Variants in ERVW-1 observed in about 807,000 individuals in gnomAD.
ERVW-1 encodes the protein syncytin-1.
A neutral mutation model predicts 16.6 loss-of-function variants in ERVW-1; 21 were observed. The ratio of observed to expected loss-of-function variants is 1.26; its 90% CI spans 0.90 to 1.82. The LOEUF (loss-of-function observed/expected upper bound fraction) is 1.82. ERVW-1 is among the 40% of genes most tolerant of loss of function. The pLI, the probability that ERVW-1 is intolerant of heterozygous loss-of-function variation, is 0.00. For synonymous variants in ERVW-1, 161 were observed against 109.8 expected (o/e 1.47, Z -2.92); for missense variants, 412 against 300.2 (o/e 1.37, Z -2.75).
rs554688836 is a variant in ERVW-1, at chr7:92,468,493, G to T, written c.*272C>A. On this transcript the variant is annotated 3_prime_UTR_variant, in exon 2 of 2. Transcript: ENST00000603053. ...GCTCGAAGACTTGGGTTTATATCCC[G>T]ATCATTGTCCCTCCTGCTGTGCTCT... 2 of 279,508 alleles carry T rather than the reference G, an allele frequency of 7.2e-6. No individual in the cohort carries two copies. The highest frequency in any genetic ancestry group is 1.3e-5 in the Non-Finnish European group (2 of 150,936). The allele number at this position is 279,508 out of a possible 1,614,324, so 17.3% of individuals were successfully genotyped here. A position where few individuals can be genotyped will look rare whatever the true frequency, so the allele number is the denominator to read the frequency against.
rs1790180732 is a variant in ERVW-1 at position 92,468,675 on chromosome 7, A to G, written c.*90T>C. On this transcript the variant is annotated 3_prime_UTR_variant, in exon 2 of 2. Transcript: ENST00000603053. Reference sequence around the variant, plus strand: ...CAGCTAGGCTTAGGGATTCTTAGTCAGCCTAGGAAATCCAGCTAGTCCTGT... The same window carrying G: ...CAGCTAGGCTTAGGGATTCTTAGTCGGCCTAGGAAATCCAGCTAGTCCTGT... 8 of 623,068 alleles carry G rather than the reference A, an allele frequency of 1.3e-5. No individual in the cohort carries two copies. Among genetic ancestry groups the G allele is most frequent in the Admixed American group, 5.7e-5 (2 of 35,226 alleles). 38.6% of individuals were successfully genotyped at this position (623,068 alleles called of 1,614,324 possible).
chr7:92,469,393 A>G lies in ERVW-1; in HGVS notation c.989T>C (p.Leu330Pro). 1 of 771,612 alleles carries G rather than the reference A, an allele frequency of 1.3e-6. No individual in the cohort carries two copies. Among genetic ancestry groups the G allele is most frequent in the Non-Finnish European group, 2.4e-6 (1 of 417,586 alleles). 47.8% of individuals were successfully genotyped at this position (771,612 alleles called of 1,614,324 possible). The change falls in exon 2 of 2, where the codon CTA becomes CCA. Residue 330 changes from leucine to proline, a missense_variant. Transcript: ENST00000603053. ...GCCAATGCCAGTACCTAGTGCACCT[A>G]GCACTCCTGCTCCTATAACAAAAGG... ...ILPFVIGAGV[L>P]GALGTGIGGI...
In ERVW-1 at chr7:92,470,229, C is replaced by A. The variant is rs754860109; in HGVS notation, c.153G>T (p.Ser51=). The change falls in exon 2 of 2, where the codon TCG becomes TCT. Residue 51 remains serine, a synonymous_variant. Coordinates refer to ENST00000603053, the MANE Select transcript of ERVW-1 (RefSeq NM_001130925.2). Reference sequence around the variant, plus strand: ...GGGTTCCCTTAGAAAGACTCCTATACGATGGGGCATCAATATTTCCGGGAC... The same window carrying A: ...GGGTTCCCTTAGAAAGACTCCTATAAGATGGGGCATCAATATTTCCGGGAC... ...MQRPGNIDAP[S]YRSLSKGTPT... is the part of the protein sequence containing the mutation. 1.3e-6 allele frequency: 1 copy of A among 778,588 alleles called. No individual in the cohort carries two copies. Among genetic ancestry groups the A allele is most frequent in the South Asian group, 1.3e-5 (1 of 74,468 alleles). 48.2% of individuals were successfully genotyped at this position (778,588 alleles called of 1,614,324 possible).
rs1790609435 is a variant in ERVW-1, at chr7:92,477,814, T to TGGAC, written c.-664_-661dup. On this transcript the variant is annotated 5_prime_UTR_variant, in exon 1 of 2. It removes the in-frame stop codon of an upstream open reading frame in the 5' UTR. Transcript: ENST00000603053. The stretch of plus-strand genomic sequence containing the variant: ...CTGCGGTGGTGGCAAACAGCAGTGG[T>TGGAC]GGACGGTGAGCAAAAGCTCAGCTCG... The TGGAC allele has an allele frequency of 1.1e-5, 2 of 176,236 alleles. No individual in the cohort carries two copies. Among genetic ancestry groups the TGGAC allele is most frequent in the Non-Finnish European group, 2.3e-5 (2 of 87,174 alleles). The allele number at this position is 176,236 out of a possible 1,614,324, so 10.9% of individuals were successfully genotyped here. A position where few individuals can be genotyped will look rare whatever the true frequency, so the allele number is the denominator to read the frequency against.
chr7:92,469,387 G>A lies in ERVW-1; in HGVS notation c.995C>T (p.Ala332Val), dbSNP rs756207513. Residue 332 changes from alanine to valine, a missense_variant, in exon 2 of 2, where the codon GCA (alanine) becomes GTA (valine). Transcript: ENST00000603053. Reference sequence around the variant, plus strand: ...GATACCGCCAATGCCAGTACCTAGTGCACCTAGCACTCCTGCTCCTATAAC... The same window carrying A: ...GATACCGCCAATGCCAGTACCTAGTACACCTAGCACTCCTGCTCCTATAAC... ...PFVIGAGVLGALGTGIGGITT... is the reference protein window; with the variant it reads ...PFVIGAGVLGVLGTGIGGITT... 3.0e-6 allele frequency: 2 copies of A among 676,894 alleles called. No homozygotes were observed. Among genetic ancestry groups the A allele is most frequent in the Non-Finnish European group, 5.3e-6 (2 of 376,256 alleles). The allele number at this position is 676,894 out of a possible 1,614,324, so 41.9% of individuals were successfully genotyped here. A position where few individuals can be genotyped will look rare whatever the true frequency, so the allele number is the denominator to read the frequency against.
rs1038278481 is a variant in ERVW-1, at chr7:92,469,112, G to A, written c.1270C>T (p.Arg424Ter). The A allele has an allele frequency of 1.0e-5, 7 of 702,116 alleles. No homozygotes were observed. The highest frequency in any genetic ancestry group is 3.5e-5 in the African/African-American group (2 of 57,208). 43.5% of individuals were successfully genotyped at this position (702,116 alleles called of 1,614,324 possible). The change falls in exon 2 of 2, where the codon CGA becomes TGA. Residue 424 changes from arginine to a stop codon, truncating the protein, a stop_gained. Transcript: ENST00000603053. LOFTEE classifies it high-confidence loss of function. ...VTEKVKEIRD[R>*]IQRRAEELRN... ...AGCTCCTCTGCTCTACGTTGTATTCGATCTCGAATTTCTTTAACTTTCTCA... is the reference window on the plus strand; with the variant it reads ...AGCTCCTCTGCTCTACGTTGTATTCAATCTCGAATTTCTTTAACTTTCTCA...
At chr7:92,476,873 C>T (rs951016142) in intron 1 of ERVW-1, among the ~76,000 whole-genome samples, 1 of 152,144 alleles carries the variant, frequency 6.6e-6, no homozygotes, top group African/African-American at 2.4e-5. Context: ...CGCAGAGCTT[C>T]CTTAGATCCC....
At position 92,470,131 on chromosome 7, in the gene ERVW-1, G is replaced by A. The variant is rs1790278005; in HGVS notation, c.251C>T (p.Thr84Ile). 5 of 778,848 alleles carry A rather than the reference G, an allele frequency of 6.4e-6. No individual in the cohort carries two copies. Among genetic ancestry groups the A allele is most frequent in the Non-Finnish European group, 1.2e-5 (5 of 417,960 alleles). 48.2% of individuals were successfully genotyped at this position (778,848 alleles called of 1,614,324 possible). ...AATCATTTTTCCTGTCCAATAATGA[G>A]TATTTGCATGCATGCAAAGAGTGGC... is the stretch of plus-strand genomic sequence containing the variant. ...HSATLCMHAN[T>I]HYWTGKMINP... The change falls in exon 2 of 2, where the codon ACT becomes ATT. Residue 84 changes from threonine to isoleucine, a missense_variant. Thr to Ile is a moderately conservative substitution (Grantham distance 89). Transcript: ENST00000603053.
In ERVW-1 at chr7:92,469,945, T is replaced by C. The variant is rs987754514; in HGVS notation, c.437A>G (p.Tyr146Cys). Reference sequence around the variant, plus strand: ...TAGTTTTGAGAGATCTAGTCCTTTGTAGGGGCTAGAGGTGCCATGTACCCG... The same window carrying C: ...TAGTTTTGAGAGATCTAGTCCTTTGCAGGGGCTAGAGGTGCCATGTACCCG... ...LTRVHGTSSPYKGLDLSKLHE... is the reference protein window; with the variant it reads ...LTRVHGTSSPCKGLDLSKLHE... Residue 146 changes from tyrosine to cysteine, a missense_variant, in exon 2 of 2, where the codon TAC becomes TGC. By Grantham distance (194) the Tyr-to-Cys change is radical. Transcript: ENST00000603053. 5.1e-6 allele frequency: 4 copies of C among 777,970 alleles called. No individual in the cohort carries two copies. Among genetic ancestry groups the C allele is most frequent in the Non-Finnish European group, 9.6e-6 (4 of 417,458 alleles). The allele number at this position is 777,970 out of a possible 1,614,324, so 48.2% of individuals were successfully genotyped here.
chr7:92,476,632 T>C (rs1459976827), intron 1 of ERVW-1, among the ~76,000 whole-genome samples: 1 of 152,096 alleles, frequency 6.6e-6, no homozygotes, highest in East Asian at 1.9e-4. Flanking sequence ...CTCTCTCTTC[T>C]GTCTCTCTCA....
rs1562828807 is a variant in ERVW-1 at position 92,468,855 on chromosome 7, T to A, written c.1527A>T (p.Arg509=). ...TGCCTTTGATGTCATTAACATCAGA[T>A]CGTGGGCTAGCAGGCCGGTCCAGGG... ...RRPLDRPASP[R]SDVNDIKGTP... The change falls in exon 2 of 2, where the codon CGA becomes CGT. Residue 509 remains arginine (R), a synonymous_variant. Transcript: ENST00000603053. 1 of 764,454 alleles carries A rather than the reference T, an allele frequency of 1.3e-6. No homozygotes were observed. The highest frequency in any genetic ancestry group is 2.4e-6 in the Non-Finnish European group (1 of 417,856). The allele number at this position is 764,454 out of a possible 1,614,324, so 47.4% of individuals were successfully genotyped here. A position where few individuals can be genotyped will look rare whatever the true frequency, so the allele number is the denominator to read the frequency against.
Position 92,477,753 on chromosome 7 carries a change from C to T in ERVW-1, c.-599G>A. 1 of 179,248 alleles carries T rather than the reference C, an allele frequency of 5.6e-6. No homozygotes were observed. Among genetic ancestry groups the T allele is most frequent in the Non-Finnish European group, 1.1e-5 (1 of 89,150 alleles). 11.1% of individuals were successfully genotyped at this position (179,248 alleles called of 1,614,324 possible). On this transcript the variant is annotated 5_prime_UTR_variant, in exon 1 of 2. Transcript: ENST00000603053. ...CTGGATCAGGAGCACAGCGGACACC[C>T]TGCAGGATCCAGAGGGATGGGAGTC... is the stretch of plus-strand genomic sequence containing the variant.
At position 92,477,716 on chromosome 7, in the gene ERVW-1, A is replaced by T. The variant is rs576278667; in HGVS notation, c.-562T>A. On this transcript the variant is annotated 5_prime_UTR_variant, in exon 1 of 2. In the 5' UTR this introduces an upstream ATG that the reference lacks. Transcript: ENST00000603053. ...GCCTTTAGCCCAATTGGGAGCGGCA[A>T]TGGGCGCCTCGCTGGATCAGGAGCA... 1.2e-5 allele frequency: 2 copies of T among 172,366 alleles called. No individual in the cohort carries two copies. Among genetic ancestry groups the T allele is most frequent in the African/African-American group, 4.8e-5 (2 of 41,726 alleles). The allele number at this position is 172,366 out of a possible 1,614,324, so 10.7% of individuals were successfully genotyped here. A position where few individuals can be genotyped will look rare whatever the true frequency, so the allele number is the denominator to read the frequency against.
intron 1 of ERVW-1, chr7:92,475,278 G>T (rs183478685): frequency 1.3e-5 from 2 of 152,088 alleles, no homozygotes; most frequent in Admixed American, 6.5e-5. Context: ...TCTTAGGGGC[G>T]TTTTTGTCTT....
chr7:92,469,501 A>T lies in ERVW-1; in HGVS notation c.881T>A (p.Val294Glu), dbSNP rs779121538. ...SESMCFLSFL[V>E]PPMTIYTEQD... is the part of the protein sequence containing the mutation. ...TTCAGTGTAGATGGTCATAGGGGGCACTAAGAATGAGAGGAAGCACATAGA... is the reference window on the plus strand; with the variant it reads ...TTCAGTGTAGATGGTCATAGGGGGCTCTAAGAATGAGAGGAAGCACATAGA... The change falls in exon 2 of 2, where the codon GTG (valine) becomes GAG (glutamate). Residue 294 changes from valine to glutamate, a missense_variant. Coordinates refer to ENST00000603053, the MANE Select transcript of ERVW-1 (RefSeq NM_001130925.2). 1.3e-6 allele frequency: 1 copy of T among 768,958 alleles called. No individual in the cohort carries two copies. The allele number at this position is 768,958 out of a possible 1,614,324, so 47.6% of individuals were successfully genotyped here.
Position 92,468,761 on chromosome 7 carries a change from C to T in ERVW-1, c.*4G>A, listed in dbSNP as rs779786094. 93 of 714,738 alleles carry T rather than the reference C, an allele frequency of 1.3e-4. No individual in the cohort carries two copies. In the Admixed American group the frequency reaches 1.5e-3, roughly 11 times the overall value. The allele number at this position is 714,738 out of a possible 1,614,324, so 44.3% of individuals were successfully genotyped here. A position where few individuals can be genotyped will look rare whatever the true frequency, so the allele number is the denominator to read the frequency against. On this transcript the variant is annotated 3_prime_UTR_variant, in exon 2 of 2. Coordinates refer to ENST00000603053, the MANE Select transcript of ERVW-1 (RefSeq NM_001130925.2). ...GCTGTTGGGGAGGTTGGCCGACGAC[C>T]GCTCTAACTGCTTCCTGCTGAATTG...
At chr7:92,472,257 T>C (rs1790378348) in intron 1 of ERVW-1, 1 of 152,208 alleles carries the variant, frequency 6.6e-6, no homozygotes, top group Non-Finnish European at 1.5e-5. Context: ...TAAACAGTTG[T>C]CTGACAGCCA....
intron 1 of ERVW-1, among the ~76,000 whole-genome samples, chr7:92,476,102 G>A (rs537857633): frequency 9.6e-4 from 146 of 152,272 alleles, no homozygotes; most frequent in Non-Finnish European, 1.6e-3. Context: ...AGGTCTGGTC[G>A]GACCTTTGTA....
At chr7:92,475,213 G>A (rs886859858) in intron 1 of ERVW-1, 2 of 152,144 alleles carry the variant, frequency 1.3e-5, no homozygotes, top group Non-Finnish European at 1.5e-5. Flanking sequence ...AAGAATATAA[G>A]TCGTTTCTTT....
Sources: allele counts gnomAD v4.1 joint callset (sites outside exome capture counted in the v4.1 genomes callset), GRCh38; gene constraint gnomAD v4.1.1; transcripts MANE v1.5; gene names NCBI Gene and HGNC (gene_info 2026-07-23, HGNC 2026-07-21).